NBEA: variants seen among roughly 807,000 people sequenced by gnomAD.
NBEA encodes the protein lysosomal-trafficking regulator 2.
Under a neutral mutation model 343.4 loss-of-function variants are expected in NBEA, and 44 were observed. That is an observed-to-expected ratio of 0.13 (90% CI 0.10 to 0.16). The LOEUF (loss-of-function observed/expected upper bound fraction) is 0.16. NBEA is among the 10% of genes least tolerant of loss of function. The pLI, the probability that NBEA is intolerant of heterozygous loss-of-function variation, is 1.00. For synonymous variants in NBEA, 1,175 were observed against 1,238.7 expected, an observed-to-expected ratio of 0.95 and a Z score of 1.08; for missense variants, 2,555 against 3,631.3, an observed-to-expected ratio of 0.70 and a Z score of 7.62.
rs531628719 is a variant in NBEA at position 35,314,897 on chromosome 13, A to G, written c.5903+5305A>G. Among the ~76,000 whole-genome samples the G allele has an allele frequency of 4.6e-5, 7 of 152,306 alleles. No homozygotes were observed. In the East Asian group the frequency reaches 1.3e-3, roughly 29 times the overall value. ...ATTTAGACTTTTCTCTTTCACAAGC[A>G]TGAACTGGGACTTCTGGTTCAAAAA... On this transcript the variant is annotated intron_variant, in intron 36 of 58. Coordinates refer to ENST00000379939, the MANE Select transcript of NBEA (RefSeq NM_001385012.1).
At chr13:35,336,550 T>C (rs2039274672) in intron 36 of NBEA, among the ~76,000 whole-genome samples, 1 of 151,876 alleles carries the variant, frequency 6.6e-6, no homozygotes, top group South Asian at 2.1e-4. Context: ...TATAAATTGT[T>C]CTACCATTAA....
chr13:35,324,073 C>T (rs1296061408), intron 36 of NBEA, among the ~76,000 whole-genome samples: 2 of 152,134 alleles, frequency 1.3e-5, no homozygotes, highest in African/African-American at 2.4e-5. Flanking sequence ...TAGAGTTGGC[C>T]TTTGCATTTG....
intron 30 of NBEA, among the ~76,000 whole-genome samples, chr13:35,193,765 T>TA (rs2072376285): frequency 6.6e-6 from 1 of 151,966 alleles, no homozygotes; most frequent in South Asian, 2.1e-4. Flanking sequence ...TGTTTGAATA[T>TA]TATTATCATA....
chr13:35,367,629 C>T (rs992233710), intron 38 of NBEA, among the ~76,000 whole-genome samples: 1 of 150,724 alleles, frequency 6.6e-6, no homozygotes, highest in African/African-American at 2.4e-5. Context: ...TAGTCAAACA[C>T]TCTATTGATA....
intron 36 of NBEA, among the ~76,000 whole-genome samples, chr13:35,348,398 T>C (rs1177832365): frequency 2.6e-5 from 4 of 152,062 alleles, no homozygotes; most frequent in Non-Finnish European, 5.9e-5. Flanking sequence ...TGGGTACCTG[T>C]TGAGGTTGAA....
chr13:35,118,597 A>G (rs762157553), intron 16 of NBEA, 123 bp downstream of exon 16: 5 of 699,672 alleles, frequency 7.1e-6, no homozygotes, highest in Non-Finnish European at 9.2e-6. Flanking sequence ...AAGAGAATAA[A>G]TGGAGAATGC....
intron 24 of NBEA, chr13:35,165,133 A>G: frequency 3.7e-6 from 2 of 533,666 alleles, no homozygotes; most frequent in South Asian, 2.8e-5. Flanking sequence ...TTAAGCTCAG[A>G]AAGCATACCT....
chr13:35,437,491 A>G (rs1416096127), intron 39 of NBEA, among the ~76,000 whole-genome samples: 1 of 152,120 alleles, frequency 6.6e-6, no homozygotes, highest in Non-Finnish European at 1.5e-5. Context: ...TGAATAATTT[A>G]TGAGGTTGTC....
intron 41 of NBEA, among the ~76,000 whole-genome samples, chr13:35,480,333 A>G (rs1183375185): frequency 6.6e-6 from 1 of 152,116 alleles, no homozygotes; most frequent in Admixed American, 6.5e-5. Context: ...AAATACAAGA[A>G]TGCAATATTT....
intron 38 of NBEA, among the ~76,000 whole-genome samples, chr13:35,379,402 C>CT (rs2041900488): frequency 1.3e-5 from 2 of 151,932 alleles, no homozygotes; most frequent in Non-Finnish European, 2.9e-5. Flanking sequence ...ATTGGATTGT[C>CT]TTTTTATTCT....
At chr13:35,414,307 C>T (rs1368807002) in intron 38 of NBEA, among the ~76,000 whole-genome samples, 13 of 152,028 alleles carry the variant, frequency 8.6e-5, no homozygotes, top group East Asian at 3.9e-4. Context: ...TGTATACATG[C>T]GCCATGTTGG....
intron 41 of NBEA, among the ~76,000 whole-genome samples, chr13:35,512,019 A>G (rs2077296055): frequency 6.6e-6 from 1 of 152,206 alleles, no homozygotes; most frequent in Non-Finnish European, 1.5e-5. Flanking sequence ...GTTTTGACTA[A>G]GCTATGCAGT....
intron 1 of NBEA, among the ~76,000 whole-genome samples, chr13:34,986,844 T>G (rs1470591237): frequency 1.3e-5 from 2 of 150,864 alleles, no homozygotes; most frequent in African/African-American, 2.4e-5. Flanking sequence ...ACCCCTGCTT[T>G]TTTTTGTTTT....
chr13:35,507,144 A>G (rs923788918), intron 41 of NBEA, among the ~76,000 whole-genome samples: 11 of 152,104 alleles, frequency 7.2e-5, no homozygotes, highest in African/African-American at 2.4e-4. Context: ...TTCTATTTAC[A>G]TAATTTATCA....
At chr13:35,486,052 A>G (rs1215960465) in intron 41 of NBEA, among the ~76,000 whole-genome samples, 2 of 148,128 alleles carry the variant, frequency 1.4e-5, no homozygotes, top group African/African-American at 4.8e-5. Context: ...ATTTTGAGGG[A>G]AAATATGTTC....
At chr13:35,217,651 A>G (rs1473707796) in intron 33 of NBEA, among the ~76,000 whole-genome samples, 1 of 152,030 alleles carries the variant, frequency 6.6e-6, no homozygotes, top group Admixed American at 6.6e-5. Context: ...GCATGTTTTT[A>G]AGACCTTTTA....
intron 41 of NBEA, among the ~76,000 whole-genome samples, chr13:35,477,544 A>C (rs1420273347): frequency 6.6e-6 from 1 of 152,166 alleles, no homozygotes; most frequent in Non-Finnish European, 1.5e-5. Context: ...TTTCATAGTG[A>C]CCTGTATTTT....
chr13:35,432,094 A>G (rs1448458923), intron 38 of NBEA, among the ~76,000 whole-genome samples, 175 bp from the exon 39 acceptor site: 2 of 150,102 alleles, frequency 1.3e-5, no homozygotes, highest in Non-Finnish European at 2.9e-5. Flanking sequence ...CTTGTAGAGG[A>G]AATATATATA....
At chr13:35,530,859 C>G (rs1186306060) in intron 41 of NBEA, among the ~76,000 whole-genome samples, 1 of 152,104 alleles carries the variant, frequency 6.6e-6, no homozygotes, top group African/African-American at 2.4e-5. Flanking sequence ...TCATTACTAA[C>G]AGTCTACACT....
Sources: allele counts gnomAD v4.1 joint callset (sites outside exome capture counted in the v4.1 genomes callset), GRCh38; gene constraint gnomAD v4.1.1; transcripts MANE v1.5; gene names NCBI Gene and HGNC (gene_info 2026-07-23, HGNC 2026-07-21).